Variants in PRELID2 observed in about 807,000 individuals in gnomAD.
PRELID2 encodes the protein PRELI domain containing 2, also known as PRELI domain-containing protein 2.
In PRELID2, 25 loss-of-function variants were observed where a neutral mutation model predicts 28.4. The observed-to-expected ratio is 0.88, with a 90% CI of 0.64 to 1.23. The LOEUF (loss-of-function observed/expected upper bound fraction) is 1.23. PRELID2 is among the 50% of genes most tolerant of loss of function. PRELID2 has a pLI of 0.00. For synonymous variants in PRELID2, 76 were observed against 71.6 expected, an observed-to-expected ratio of 1.06 and a Z score of -0.31; for missense variants, 201 against 214.4, an observed-to-expected ratio of 0.94 and a Z score of 0.39.
At chr5:145,788,640 A>G (rs12173238) in intron 5 of PRELID2, among the ~76,000 whole-genome samples, 117,813 of 152,076 alleles carry the variant, frequency 0.77, 47,233 homozygotes, top group East Asian at 0.91. Context: ...TCTATTCAAT[A>G]TAATACTGGG....
chr5:145,828,944 C>T (rs1363486309), intron 1 of PRELID2, among the ~76,000 whole-genome samples: 1 of 150,392 alleles, frequency 6.6e-6, no homozygotes, highest in Non-Finnish European at 1.5e-5. Context: ...CTCAAGCGAT[C>T]CTCCTAACTC....
At chr5:145,313,773 C>T in the PRELID2 span, among the ~76,000 whole-genome samples, 4 of 152,130 alleles carry the variant, frequency 2.6e-5, no homozygotes, top group Non-Finnish European at 2.9e-5. Context: ...ATTACATTAC[C>T]TAACTAGTTT....
At chr5:145,440,112 G>A in the PRELID2 span, among the ~76,000 whole-genome samples, 1 of 152,016 alleles carries the variant, frequency 6.6e-6, no homozygotes, top group African/African-American at 2.4e-5. Flanking sequence ...CATGAGACTT[G>A]GGAAAATGCA....
intron 5 of PRELID2, among the ~76,000 whole-genome samples, chr5:145,775,542 T>C (rs1758358463): frequency 6.6e-6 from 1 of 152,198 alleles, no homozygotes; most frequent in Admixed American, 6.5e-5. Context: ...TGACACTAAG[T>C]GAAGCTCCCT....
At chr5:145,350,716 C>T in the PRELID2 span, among the ~76,000 whole-genome samples, 1 of 152,278 alleles carries the variant, frequency 6.6e-6, no homozygotes, top group South Asian at 2.1e-4. Context: ...GAGGGGACCA[C>T]TAGCACAGAG....
chr5:145,572,806 G>T (rs982741963), intron 1 of PRELID2, among the ~76,000 whole-genome samples: 2 of 152,266 alleles, frequency 1.3e-5, no homozygotes, highest in South Asian at 2.1e-4. Flanking sequence ...CTCTGAGTGA[G>T]GTATTCCCAT....
the PRELID2 span, among the ~76,000 whole-genome samples, chr5:145,429,060 G>C: frequency 6.6e-6 from 1 of 152,162 alleles, no homozygotes; most frequent in Non-Finnish European, 1.5e-5. Context: ...ACTCCTGGGA[G>C]CCCTTAAGCA....
the PRELID2 span, among the ~76,000 whole-genome samples, chr5:145,444,295 C>T: frequency 1.3e-5 from 2 of 151,978 alleles, no homozygotes; most frequent in East Asian, 3.9e-4. Context: ...ACAGTGAACC[C>T]TGGACTCGAA....
At chr5:145,375,159 G>C in the PRELID2 span, among the ~76,000 whole-genome samples, 14 of 151,914 alleles carry the variant, frequency 9.2e-5, no homozygotes, top group African/African-American at 3.4e-4. Context: ...CTTGAATGCA[G>C]TTTTTGTGGG....
rs1207169504 is a variant in PRELID2, at chr5:145,697,072, T to C, written n.70+67859A>G. Reference sequence around the variant, plus strand: ...ATATATATATATATATATATATATATATATATATACACACACACACATATA... The same window carrying C: ...ATATATATATATATATATATATATACATATATATACACACACACACATATA... On this transcript the variant is annotated intron_variant and non_coding_transcript_variant, in intron 1 of 2. Transcript: ENST00000510259. 5.6e-3 allele frequency among the ~76,000 whole-genome samples: 660 copies of C among 117,964 alleles called. 7 individuals are homozygous for C. Among genetic ancestry groups the C allele is most frequent in the Middle Eastern group, 0.016 (4 of 246 alleles). The allele number at this position is 117,964 out of a possible 152,430, so 77.4% of individuals were successfully genotyped here. A position where few individuals can be genotyped will look rare whatever the true frequency, so the allele number is the denominator to read the frequency against.
At chr5:145,638,448 C>T (rs1754040922) in intron 1 of PRELID2, among the ~76,000 whole-genome samples, 1 of 152,128 alleles carries the variant, frequency 6.6e-6, no homozygotes, top group East Asian at 1.9e-4. Context: ...TTTCCAAGTA[C>T]TTATTATTAT....
rs1008031345 is a variant in PRELID2 at position 145,721,703 on chromosome 5, A to G, written n.70+43228T>C. Among the ~76,000 whole-genome samples the G allele has an allele frequency of 4.6e-5, 7 of 152,192 alleles. No homozygotes were observed. In the East Asian group the frequency reaches 1.3e-3, roughly 29 times the overall value. ...AACAGGTATCAAAGCCAGGATGTAT[A>G]TAAGACCCACACCTAAAAACAGTGA... On this transcript the variant is annotated intron_variant and non_coding_transcript_variant, in intron 1 of 2. Coordinates refer to the PRELID2 transcript ENST00000510259.
chr5:145,740,522 T>C (rs1185610480), intron 1 of PRELID2, among the ~76,000 whole-genome samples: 2 of 135,246 alleles, frequency 1.5e-5, no homozygotes, highest in East Asian at 4.2e-4. Context: ...CTAACTAGCA[T>C]TTATAAAACA....
At chr5:145,365,496 G>A in the PRELID2 span, among the ~76,000 whole-genome samples, 1 of 151,858 alleles carries the variant, frequency 6.6e-6, no homozygotes, top group East Asian at 1.9e-4. Flanking sequence ...ATTTGTTCAT[G>A]TGTGGGTATT....
At chr5:145,521,762 T>C (rs1171684994) in intron 1 of PRELID2, among the ~76,000 whole-genome samples, 1 of 152,016 alleles carries the variant, frequency 6.6e-6, no homozygotes, top group African/African-American at 2.4e-5. Flanking sequence ...TCCTCTTGGC[T>C]CAAAGTTCAA....
At chr5:145,598,283 T>C (rs1000209343) in intron 1 of PRELID2, among the ~76,000 whole-genome samples, 3 of 152,054 alleles carry the variant, frequency 2.0e-5, no homozygotes, top group African/African-American at 7.2e-5. Context: ...GAGAACAAAG[T>C]CAAAATTTAG....
At chr5:145,670,547 G>T (rs1412759642) in intron 1 of PRELID2, among the ~76,000 whole-genome samples, 1 of 152,172 alleles carries the variant, frequency 6.6e-6, no homozygotes, top group Non-Finnish European at 1.5e-5. Context: ...CTGGCACACA[G>T]TGAGTGCTCA....
rs375472495 is a variant in PRELID2, at chr5:145,815,215, T to C, written c.368+2679A>G. Among the ~76,000 whole-genome samples the C allele has an allele frequency of 9.2e-5, 14 of 152,316 alleles. 1 individual carries two copies. The highest frequency in any genetic ancestry group is 4.1e-4 in the South Asian group (2 of 4,828). On this transcript the variant is annotated intron_variant, in intron 4 of 6. Coordinates refer to ENST00000683046, the MANE Select transcript of PRELID2 (RefSeq NM_205846.3). The stretch of plus-strand genomic sequence containing the variant: ...AGGCAGCATCTGCAAACCAAAAATA[T>C]GGCCTTCACCAGACACTGGAAAGGC...
intron 1 of PRELID2, among the ~76,000 whole-genome samples, chr5:145,579,198 C>G (rs951164806): frequency 6.6e-6 from 1 of 151,982 alleles, no homozygotes; most frequent in Non-Finnish European, 1.5e-5. Context: ...TATAGAAACC[C>G]AAGGAAATGT....
Sources: allele counts gnomAD v4.1 joint callset (sites outside exome capture counted in the v4.1 genomes callset), GRCh38; gene constraint gnomAD v4.1.1; transcripts MANE v1.5; gene names NCBI Gene and HGNC (gene_info 2026-07-23, HGNC 2026-07-21).